Variants in ANGEL2 observed in about 807,000 individuals in gnomAD.
The protein encoded by ANGEL2 is angel homolog 2.
In ANGEL2, 41 loss-of-function variants were observed where a neutral mutation model predicts 66.0. That is an observed-to-expected ratio of 0.62 (90% CI 0.48 to 0.81). The LOEUF (loss-of-function observed/expected upper bound fraction) is 0.81, where lower values mean the gene tolerates loss of function less well. ANGEL2 is among the 30% of genes least tolerant of loss of function. ANGEL2 has a pLI of 0.00. For missense variants in ANGEL2, 561 were observed against 641.6 expected, an observed-to-expected ratio of 0.87 and a Z score of 1.36; for synonymous variants, 208 against 226.5, an observed-to-expected ratio of 0.92 and a Z score of 0.73.
chr1:213,007,148 C>T lies in ANGEL2; in HGVS notation c.693G>A (p.Arg231=). Residue 231 remains arginine (R), a synonymous_variant, in exon 4 of 9, where the codon AGG becomes AGA. Coordinates refer to ENST00000366962, the MANE Select transcript of ANGEL2 (RefSeq NM_144567.5). ...VQEDHYGAEI[R]PSLESLGYHC... ...TTGTACCCAGTGATTCCAAACTTGG[C>T]CTGATCTCTGCTCCATAATGATCTT... 6.2e-7 allele frequency: 1 copy of T among 1,607,908 alleles called. No homozygotes were observed. The highest frequency in any genetic ancestry group is 8.5e-7 in the Non-Finnish European group (1 of 1,177,724).
Position 213,005,354 on chromosome 1 carries a change from C to T in ANGEL2, c.813G>A (p.Val271=), listed in dbSNP as rs2076295230. 6.2e-7 allele frequency: 1 copy of T among 1,614,112 alleles called. No individual in the cohort carries two copies. Among genetic ancestry groups the T allele is most frequent in the Admixed American group, 1.7e-5 (1 of 60,006 alleles). The change falls in exon 5 of 9, where the codon GTG becomes GTA. Residue 271 remains valine (V), a synonymous_variant. Coordinates refer to ENST00000366962, the MANE Select transcript of ANGEL2 (RefSeq NM_144567.5). ...SKFSLLSVNP[V]EFFRPDISLL... ...GAGAAATATCAGGGCGGAAGAATTC[C>T]ACTGGGTTCACTGACAAGAGTGAAA...
chr1:213,002,330 T>C (rs1455526479), intron 5 of ANGEL2: 1 of 152,230 alleles, frequency 6.6e-6, no homozygotes, highest in Non-Finnish European at 1.5e-5. Flanking sequence ...TTTTTCTGAA[T>C]AGTGGTCTCA....
intron 2 of ANGEL2, among the ~76,000 whole-genome samples, chr1:213,009,872 G>T (rs886445357): frequency 6.6e-6 from 1 of 151,924 alleles, no homozygotes; most frequent in Admixed American, 6.6e-5. Context: ...CCAACATGGC[G>T]AAACCCTGTC....
chr1:213,009,668 G>A (rs2076443841), intron 2 of ANGEL2, among the ~76,000 whole-genome samples: 1 of 152,226 alleles, frequency 6.6e-6, no homozygotes. Flanking sequence ...TGTTAGGACT[G>A]TGAAATATTT....
In ANGEL2 at chr1:212,998,561, G is replaced by A. The variant is rs537492870; in HGVS notation, c.1320-1243C>T. 3.4e-3 allele frequency among the ~76,000 whole-genome samples: 420 copies of A among 124,222 alleles called. 3 individuals are homozygous for A. Among genetic ancestry groups the A allele is most frequent in the African/African-American group, 0.013 (411 of 32,290 alleles). The allele number at this position is 124,222 out of a possible 152,430, so 81.5% of individuals were successfully genotyped here. A position where few individuals can be genotyped will look rare whatever the true frequency, so the allele number is the denominator to read the frequency against. ...TTTTGAGACAGAGTCTTGCTCTGTC[G>A]CCCAGGCTGGAGTGCAGTGGCATGA... On this transcript the variant is annotated intron_variant, in intron 7 of 8. Transcript: ENST00000366962.
intron 8 of ANGEL2, among the ~76,000 whole-genome samples, chr1:212,996,648 T>C (rs867113779): frequency 4.4e-5 from 4 of 90,898 alleles, no homozygotes; most frequent in African/African-American, 1.4e-4. Context: ...AAAATATATA[T>C]ATATATATAT....
intron 3 of ANGEL2, 28 bp from the exon 4 acceptor site, chr1:213,007,226 G>T: frequency 6.8e-7 from 1 of 1,475,760 alleles, no homozygotes; most frequent in Non-Finnish European, 9.1e-7. Context: ...GCTTGAATTA[G>T]AACACAGAGA....
At chr1:212,997,381 C>G in intron 7 of ANGEL2, 63 bp from the exon 8 acceptor site, 1 of 1,439,600 alleles carries the variant, frequency 6.9e-7, no homozygotes, top group Non-Finnish European at 9.5e-7. Context: ...TTCCTCCTAT[C>G]TGAATTTCTT....
At chr1:213,002,773 T>A (rs1159070148) in intron 5 of ANGEL2, among the ~76,000 whole-genome samples, 2 of 151,900 alleles carry the variant, frequency 1.3e-5, no homozygotes, top group Non-Finnish European at 2.9e-5. Context: ...ATTAAAAAAT[T>A]AGCCCGGCGT....
chr1:213,007,217 C>G lies in ANGEL2; in HGVS notation c.643-19G>C, dbSNP rs774658257. ...AAAGTACCTTGGAAGAAAAAAATAGCTTGAATTAGAACACAGAGATGCAAT... is the reference window on the plus strand; with the variant it reads ...AAAGTACCTTGGAAGAAAAAAATAGGTTGAATTAGAACACAGAGATGCAAT... On this transcript the variant is annotated intron_variant, in intron 3 of 8. Transcript: ENST00000366962. 5.2e-6 allele frequency: 8 copies of G among 1,537,426 alleles called. No homozygotes were observed. The Admixed American group carries it at 1.3e-4, about 25-fold the overall frequency.
Position 212,995,134 on chromosome 1 carries a change from T to TGTAAGAAGTGACAGTCTAGCTAGAA in ANGEL2, c.1517_1541dup (p.Glu515SerfsTer3). On this transcript the variant is annotated stop_gained and frameshift_variant, in exon 9 of 9. Transcript: ENST00000366962. LOFTEE classifies it high-confidence loss of function. ...CATTAACAGTCCATAAGTCTTGTTC[T>TGTAAGAAGTGACAGTCTAGCTAGAA]GTAAGAAGTGACAGTCTAGCTAGAA... 6.2e-7 allele frequency: 1 copy of TGTAAGAAGTGACAGTCTAGCTAGAA among 1,610,808 alleles called. No individual in the cohort carries two copies. Among genetic ancestry groups the TGTAAGAAGTGACAGTCTAGCTAGAA allele is most frequent in the Non-Finnish European group, 8.5e-7 (1 of 1,178,164 alleles).
chr1:213,008,116 A>C, intron 3 of ANGEL2, 94 bp downstream of exon 3: 1 of 1,387,708 alleles, frequency 7.2e-7, no homozygotes, highest in Non-Finnish European at 9.8e-7. Flanking sequence ...CACCTGCCTC[A>C]GCCTCCCAAA....
At chr1:212,999,663 TGAGAC>T (rs2076126237) in intron 7 of ANGEL2, among the ~76,000 whole-genome samples, 1 of 152,244 alleles carries the variant, frequency 6.6e-6, no homozygotes, top group Middle Eastern at 3.2e-3. Context: ...AGAATCTCCC[TGAGAC>T]AAGATTTAAG....
In ANGEL2 at chr1:212,997,011, A is replaced by G; in HGVS notation, c.1483+144T>C. The G allele has an allele frequency of 5.6e-6, 4 of 711,048 alleles. No homozygotes were observed. The South Asian group carries it at 1.1e-4, about 19-fold the overall frequency. The allele number at this position is 711,048 out of a possible 1,614,324, so 44.0% of individuals were successfully genotyped here. ...GTAATCAACTGATTTATTCAAATAT[A>G]TTACCAATCTGTCTATTTCGAAATA... On this transcript the variant is annotated intron_variant, in intron 8 of 8. Coordinates refer to ENST00000366962, the MANE Select transcript of ANGEL2 (RefSeq NM_144567.5).
At position 212,994,557 on chromosome 1, in the gene ANGEL2, G is replaced by C. The variant is rs920666859; in HGVS notation, c.*484C>G. The C allele has an allele frequency of 5.3e-5, 8 of 152,258 alleles. No homozygotes were observed. The highest frequency in any genetic ancestry group is 1.9e-4 in the African/African-American group (8 of 41,416). 9.4% of individuals were successfully genotyped at this position (152,258 alleles called of 1,614,324 possible). On this transcript the variant is annotated 3_prime_UTR_variant, in exon 9 of 9. Coordinates refer to ENST00000366962, the MANE Select transcript of ANGEL2 (RefSeq NM_144567.5). ...AAAACAAACTAAACAATGGCTGGTT[G>C]GATACCTGTGAATGACCCAAGGCTT...
chr1:213,011,435 G>A, intron 2 of ANGEL2: 7 of 1,128,096 alleles, frequency 6.2e-6, no homozygotes, highest in Non-Finnish European at 7.7e-6. Context: ...GCTTAACGAA[G>A]AGCATTTTCC....
At chr1:212,999,678 G>C (rs936506435) in intron 7 of ANGEL2, among the ~76,000 whole-genome samples, 7 of 152,172 alleles carry the variant, frequency 4.6e-5, no homozygotes, top group Admixed American at 1.3e-4. Context: ...CAAGATTTAA[G>C]TCTCTGTCCT....
Position 213,000,387 on chromosome 1 carries a change from T to C in ANGEL2, c.1262-4A>G. 5.0e-6 allele frequency: 8 copies of C among 1,611,426 alleles called. No homozygotes were observed. The highest frequency in any genetic ancestry group is 5.1e-6 in the Non-Finnish European group (6 of 1,177,744). ...TGTGTTTGTGTCAGATCACTGTCTGTAAGAATAGAGGAAAATATATTAATG... is the reference window on the plus strand; with the variant it reads ...TGTGTTTGTGTCAGATCACTGTCTGCAAGAATAGAGGAAAATATATTAATG... On this transcript the variant is annotated splice_polypyrimidine_tract_variant and splice_region_variant and intron_variant, in intron 6 of 8. Transcript: ENST00000366962.
rs1332698941 is a variant in ANGEL2 at position 213,000,890 on chromosome 1, G to A, written c.1157C>T (p.Ser386Leu). Residue 386 changes from serine (S) to leucine (L), a missense_variant, in exon 6 of 9, where the codon TCA (serine) becomes TTA (leucine). Ser to Leu is a moderately radical substitution (Grantham distance 145). Coordinates refer to ENST00000366962, the MANE Select transcript of ANGEL2 (RefSeq NM_144567.5). The stretch of plus-strand genomic sequence containing the variant: ...AATAGATAAAATTCTTTGTCCCCGT[G>A]AAGACTGTTCCTGGCCAGATACCTA... ...IGKVSGQEQS[S>L]RGQRILSIPI... is the part of the protein sequence containing the mutation. The A allele has an allele frequency of 1.9e-6, 3 of 1,611,602 alleles. No homozygotes were observed. Among genetic ancestry groups the A allele is most frequent in the African/African-American group, 1.3e-5 (1 of 74,802 alleles).
Sources: allele counts gnomAD v4.1 joint callset (sites outside exome capture counted in the v4.1 genomes callset), GRCh38; gene constraint gnomAD v4.1.1; transcripts MANE v1.5; gene names NCBI Gene and HGNC (gene_info 2026-07-23, HGNC 2026-07-21).